The following SS18 variants were observed in gnomAD, a reference collection of about 807,000 sequenced individuals.
SS18 encodes the protein protein SSXT.
Under a neutral mutation model 72.5 loss-of-function variants are expected in SS18, and 28 were observed. The ratio of observed to expected loss-of-function variants is 0.39; its 90% CI spans 0.29 to 0.53. The LOEUF (loss-of-function observed/expected upper bound fraction) is 0.53. Among genes scored for constraint, SS18 ranks in the 20% least tolerant of loss-of-function variants. The pLI is 0.76. For missense variants in SS18, 518 were observed against 535.3 expected, an observed-to-expected ratio of 0.97 and a Z score of 0.32; for synonymous variants, 172 against 164.2, an observed-to-expected ratio of 1.05 and a Z score of -0.37.
chr18:26,037,182 C>T (rs2053640613), intron 7 of SS18, among the ~76,000 whole-genome samples: 1 of 151,794 alleles, frequency 6.6e-6, no homozygotes, highest in Admixed American at 6.6e-5. Flanking sequence ...AATTAAAATC[C>T]ACTAATAAAA....
chr18:26,018,524 G>T, intron 10 of SS18, 144 bp from the exon 11 acceptor site: 1 of 549,758 alleles, frequency 1.8e-6, no homozygotes. Flanking sequence ...ATATCGTTAG[G>T]TATACAGTAT....
intron 2 of SS18, chr18:26,082,426 A>G: frequency 1.0e-6 from 1 of 975,220 alleles, no homozygotes; most frequent in Non-Finnish European, 1.2e-6. Flanking sequence ...GTTATCTTCC[A>G]AACTACAGAT....
At chr18:26,036,317 A>G (rs1414269327) in intron 7 of SS18, among the ~76,000 whole-genome samples, 1 of 152,212 alleles carries the variant, frequency 6.6e-6, no homozygotes, top group Non-Finnish European at 1.5e-5. Context: ...GCTGGTCTCC[A>G]ATTCCACAGC....
chr18:26,068,499 A>C (rs1310264014), intron 3 of SS18: 2 of 152,240 alleles, frequency 1.3e-5, no homozygotes, highest in Non-Finnish European at 2.9e-5. Flanking sequence ...ACAACCTGCT[A>C]ATCTTCAAAA....
chr18:26,041,461 GTAGTTCCGAAGCAAATAA>G (rs1238618325), intron 5 of SS18, among the ~76,000 whole-genome samples: 1 of 152,054 alleles, frequency 6.6e-6, no homozygotes, highest in African/African-American at 2.4e-5. Flanking sequence ...AACAAATTCA[GTAGTTCCGAAGCAAATAA>G]TTTGCAACAA....
rs144662775 is a variant in SS18, at chr18:26,045,740, C to T, written c.608-6284G>A. ...CCATGCAAGCAGAAATCATGCAAAA[C>T]GATCTTAATAATCAGTAGGGAAAAA... On this transcript the variant is annotated intron_variant, in intron 5 of 10. Coordinates refer to ENST00000415083, the MANE Select transcript of SS18 (RefSeq NM_001007559.3). 4.4e-3 allele frequency among the ~76,000 whole-genome samples: 667 copies of T among 152,042 alleles called. 4 individuals are homozygous for T. The highest frequency in any genetic ancestry group is 0.014 in the African/African-American group (596 of 41,478).
intron 3 of SS18, among the ~76,000 whole-genome samples, chr18:26,069,809 TTC>T (rs1371578520): frequency 1.5e-4 from 23 of 152,378 alleles, no homozygotes; most frequent in African/African-American, 4.6e-4. Context: ...AATGAAATTG[TTC>T]TCTCATAATT....
intron 3 of SS18, among the ~76,000 whole-genome samples, chr18:26,074,653 A>C (rs1377107283): frequency 3.9e-5 from 6 of 152,018 alleles, no homozygotes; most frequent in Non-Finnish European, 7.4e-5. Flanking sequence ...GATTTGTTTT[A>C]ATTTCACAAC....
chr18:26,078,237 C>T, intron 2 of SS18, 77 bp from the exon 3 acceptor site: 2 of 1,018,574 alleles, frequency 2.0e-6, no homozygotes, highest in Non-Finnish European at 1.4e-6. Context: ...GCACTATAAT[C>T]ATTTCTAAAG....
In SS18 at chr18:26,032,459, A is replaced by G. The variant is rs567310634; in HGVS notation, c.1170T>C (p.Tyr390=). 1.9e-6 allele frequency: 3 copies of G among 1,613,906 alleles called. No individual in the cohort carries two copies. The highest frequency in any genetic ancestry group is 2.2e-5 in the South Asian group (2 of 91,064). The change falls in exon 10 of 11, where the codon TAT becomes TAC. Residue 390 remains tyrosine, a synonymous_variant. Transcript: ENST00000415083. ...GTGGTGGTCCAGGCTGTGTTGGTCT[A>G]TATCCTCCATACTGCTGACCTTGTC... is the stretch of plus-strand genomic sequence containing the variant. ...PQGQGQQYGG[Y]RPTQPGPPQP...
At chr18:26,033,511 C>CAA (rs761018834) in intron 9 of SS18, among the ~76,000 whole-genome samples, 9 of 83,480 alleles carry the variant, frequency 1.1e-4, no homozygotes, top group African/African-American at 3.2e-4. Context: ...AAACTCCGTC[C>CAA]AAAAAAAAAA....
At position 26,078,120 on chromosome 18, in the gene SS18, T is replaced by C; in HGVS notation, c.187A>G (p.Thr63Ala). Residue 63 changes from threonine to alanine, a missense_variant, in exon 3 of 11, where the codon ACA (threonine) becomes GCA (alanine). Transcript: ENST00000415083. Reference sequence around the variant, plus strand: ...ATATTTTGATTAGAATCTGCTATTGTAGCAAGGTATACCAAGTTTGTGTGC... The same window carrying C: ...ATATTTTGATTAGAATCTGCTATTGCAGCAAGGTATACCAAGTTTGTGTGC... Reference protein sequence around the residue: ...MLHTNLVYLATIADSNQNMQS... With the variant: ...MLHTNLVYLAAIADSNQNMQS... 6.2e-7 allele frequency: 1 copy of C among 1,612,924 alleles called. No individual in the cohort carries two copies. Among genetic ancestry groups the C allele is most frequent in the Non-Finnish European group, 8.5e-7 (1 of 1,179,502 alleles).
intron 2 of SS18, among the ~76,000 whole-genome samples, chr18:26,083,662 T>TGGTATTATAATCTTATG (rs2054568614): frequency 6.6e-6 from 1 of 152,206 alleles, no homozygotes; most frequent in Non-Finnish European, 1.5e-5. Flanking sequence ...AGTAGGAAGA[T>TGGTATTATAATCTTATG]GGTATTATAA....
At chr18:26,084,779 A>G (rs1436775363) in intron 2 of SS18, among the ~76,000 whole-genome samples, 1 of 152,192 alleles carries the variant, frequency 6.6e-6, no homozygotes, top group African/African-American at 2.4e-5. Flanking sequence ...GAATATTTTT[A>G]AAAGACCCCC....
At chr18:26,068,630 T>C (rs2054260087) in intron 3 of SS18, 1 of 152,322 alleles carries the variant, frequency 6.6e-6, no homozygotes, top group Admixed American at 6.5e-5. Flanking sequence ...GCCAGGACAG[T>C]TGCTGAACCT....
At chr18:26,024,766 A>C (rs910456705) in intron 10 of SS18, among the ~76,000 whole-genome samples, 1 of 152,172 alleles carries the variant, frequency 6.6e-6, no homozygotes, top group African/African-American at 2.4e-5. Context: ...AGGAGAACAA[A>C]AACCAGATGT....
intron 3 of SS18, among the ~76,000 whole-genome samples, chr18:26,069,570 A>C (rs2054278933): frequency 6.6e-6 from 1 of 151,604 alleles, no homozygotes; most frequent in Non-Finnish European, 1.5e-5. Flanking sequence ...GCCCAGATCG[A>C]TTTAAGTTAC....
intron 3 of SS18, among the ~76,000 whole-genome samples, chr18:26,070,019 G>A (rs1278717575): frequency 6.6e-6 from 1 of 152,082 alleles, no homozygotes. Context: ...GTGCGGGGAG[G>A]GGATGAGGAT....
intron 5 of SS18, among the ~76,000 whole-genome samples, chr18:26,042,237 A>C (rs1337552681): frequency 6.6e-6 from 1 of 152,214 alleles, no homozygotes; most frequent in African/African-American, 2.4e-5. Context: ...CTGCAGAGTG[A>C]AATAGCATTA....
Sources: allele counts gnomAD v4.1 joint callset (sites outside exome capture counted in the v4.1 genomes callset), GRCh38; gene constraint gnomAD v4.1.1; transcripts MANE v1.5; gene names NCBI Gene and HGNC (gene_info 2026-07-23, HGNC 2026-07-21).